DCUN1D4: variants seen among roughly 807,000 people sequenced by gnomAD.
DCUN1D4 encodes the protein defective in cullin neddylation 1 domain containing 4.
Under a neutral mutation model 47.9 loss-of-function variants are expected in DCUN1D4, and 22 were observed. That is an observed-to-expected ratio of 0.46 (90% CI 0.33 to 0.66). DCUN1D4 has a LOEUF of 0.66. Ranked by LOEUF, DCUN1D4 falls within the 30% of genes least tolerant of loss-of-function variation. DCUN1D4 has a pLI of 0.02. For missense variants in DCUN1D4, 301 were observed against 340.8 expected (o/e 0.88, Z 0.92); for synonymous variants, 121 against 112.2 (o/e 1.08, Z -0.50).
intron 5 of DCUN1D4, chr4:51,878,075 G>GA (rs1322997738): frequency 1.0e-5 from 3 of 289,176 alleles, no homozygotes; most frequent in Non-Finnish European, 1.9e-5. Context: ...GAAGGGAACT[G>GA]AAAAGATGAA....
In DCUN1D4 at chr4:51,886,775, A is replaced by G. The variant is rs991824904; in HGVS notation, c.414+137A>G. 1.4e-5 allele frequency: 10 copies of G among 700,796 alleles called. No homozygotes were observed. In the African/African-American group the frequency reaches 1.8e-4, roughly 13 times the overall value. 43.4% of individuals were successfully genotyped at this position (700,796 alleles called of 1,614,324 possible). ...TGAAGCAGTCTAAGAAATAAGTTCT[A>G]ATTCTAGTTTGACTTATAAGCAGAT... On this transcript the variant is annotated intron_variant, in intron 6 of 10. Transcript: ENST00000334635.
intron 6 of DCUN1D4, among the ~76,000 whole-genome samples, chr4:51,888,381 C>T (rs1415109446): frequency 6.6e-6 from 1 of 152,106 alleles, no homozygotes; most frequent in Admixed American, 6.6e-5. Flanking sequence ...TTCCTCACCC[C>T]CAAATACCAG....
At chr4:51,867,784 A>G (rs1726198890) in intron 3 of DCUN1D4, among the ~76,000 whole-genome samples, 1 of 152,242 alleles carries the variant, frequency 6.6e-6, no homozygotes, top group Non-Finnish European at 1.5e-5. Flanking sequence ...CCCAGCCTCC[A>G]GGCCTCAGGC....
At chr4:51,885,790 G>A (rs1350381527) in intron 5 of DCUN1D4, among the ~76,000 whole-genome samples, 1 of 152,098 alleles carries the variant, frequency 6.6e-6, no homozygotes, top group Admixed American at 6.6e-5. Context: ...AGCCAGAAGG[G>A]GAGAGGAAGG....
chr4:51,895,286 T>C (rs1196094657), intron 7 of DCUN1D4, among the ~76,000 whole-genome samples: 1 of 152,032 alleles, frequency 6.6e-6, no homozygotes, highest in African/African-American at 2.4e-5. Flanking sequence ...TTTAATCATT[T>C]CTGTCATTTC....
Position 51,907,044 on chromosome 4 carries a change from A to AG in DCUN1D4, c.616-4024dup, listed in dbSNP as rs200339320. Among the ~76,000 whole-genome samples the AG allele has an allele frequency of 9.1e-3, 1,393 of 152,362 alleles. 11 individuals are homozygous for AG. Among genetic ancestry groups the AG allele is most frequent in the Non-Finnish European group, 0.014 (954 of 68,030 alleles). ...AGTTTCTAGCTTGAAGTAAGTTCTC[A>AG]GGAAAAGTTAACCATAGAATTAGAA... On this transcript the variant is annotated intron_variant, in intron 8 of 10. Transcript: ENST00000334635.
At chr4:51,896,504 A>G (rs1189795493) in intron 7 of DCUN1D4, among the ~76,000 whole-genome samples, 1 of 151,976 alleles carries the variant, frequency 6.6e-6, no homozygotes, top group Non-Finnish European at 1.5e-5. Flanking sequence ...AAGAACAGGG[A>G]CCTCGACCTT....
At chr4:51,868,379 C>T (rs865933702) in intron 3 of DCUN1D4, among the ~76,000 whole-genome samples, 8 of 152,350 alleles carry the variant, frequency 5.3e-5, no homozygotes, top group East Asian at 1.9e-4. Flanking sequence ...TTGCTCCAGA[C>T]GGGCTGCTGC....
At chr4:51,840,837 C>T (rs893292477), upstream of DCUN1D4, among the ~76,000 whole-genome samples, 5 of 152,106 alleles carry the variant, frequency 3.3e-5, no homozygotes, top group African/African-American at 7.2e-5. Context: ...GAGGGTCAGC[C>T]GACTAGGAAT....
intron 1 of DCUN1D4, among the ~76,000 whole-genome samples, chr4:51,849,284 T>C (rs1723011461): frequency 2.0e-5 from 3 of 152,240 alleles, no homozygotes; most frequent in Admixed American, 2.0e-4. Flanking sequence ...GCTGCTGTGC[T>C]GCTTCTAGAG....
At chr4:51,905,509 T>G (rs1379816469) in intron 8 of DCUN1D4, among the ~76,000 whole-genome samples, 2 of 152,216 alleles carry the variant, frequency 1.3e-5, no homozygotes, top group Non-Finnish European at 1.5e-5. Flanking sequence ...TTTTATTATA[T>G]AAACAATTGT....
intron 3 of DCUN1D4, among the ~76,000 whole-genome samples, chr4:51,867,325 C>A (rs1304517282): frequency 6.6e-6 from 1 of 152,244 alleles, no homozygotes; most frequent in Non-Finnish European, 1.5e-5. Flanking sequence ...TGCAGCTCTT[C>A]TCTCTTCACC....
intron 8 of DCUN1D4, among the ~76,000 whole-genome samples, chr4:51,907,438 G>A (rs1274175499): frequency 2.6e-5 from 4 of 152,132 alleles, no homozygotes; most frequent in Non-Finnish European, 5.9e-5. Context: ...AGGTTAGCTG[G>A]GTTAAGGAGG....
At chr4:51,849,651 G>GA (rs2109813101) in intron 1 of DCUN1D4, among the ~76,000 whole-genome samples, 1 of 152,226 alleles carries the variant, frequency 6.6e-6, no homozygotes, top group Admixed American at 6.5e-5. Flanking sequence ...GTTTGCTGGT[G>GA]GTCAGGCAGG....
intron 7 of DCUN1D4, 48 bp downstream of exon 7, chr4:51,891,899 T>A (rs1730488060): frequency 6.9e-7 from 1 of 1,449,044 alleles, no homozygotes. Context: ...TCCCAGGTGG[T>A]TGCCTCCTTC....
At chr4:51,846,300 A>T (rs879547776) in intron 1 of DCUN1D4, among the ~76,000 whole-genome samples, 23 of 152,152 alleles carry the variant, frequency 1.5e-4, no homozygotes, top group Admixed American at 1.5e-3. Context: ...GTTATCCAGA[A>T]TTTTTGACTG....
intron 3 of DCUN1D4, among the ~76,000 whole-genome samples, chr4:51,869,379 G>T (rs765683802): frequency 1.3e-5 from 2 of 152,042 alleles, no homozygotes; most frequent in Non-Finnish European, 2.9e-5. Flanking sequence ...GAAAAGTGAG[G>T]TGAAATAGCT....
At chr4:51,887,611 G>A (rs1368708411) in intron 6 of DCUN1D4, among the ~76,000 whole-genome samples, 1 of 152,180 alleles carries the variant, frequency 6.6e-6, no homozygotes, top group African/African-American at 2.4e-5. Flanking sequence ...ATTAGCTCCA[G>A]TTTAATAAAT....
intron 4 of DCUN1D4, chr4:51,877,519 C>G (rs1727888715): frequency 2.3e-5 from 7 of 301,104 alleles, no homozygotes; most frequent in Admixed American, 4.8e-5. Flanking sequence ...TCAGTTCTTA[C>G]TGATTATTTG....
Sources: gnomAD v4.1 joint callset for allele counts (sites outside exome capture counted in the v4.1 genomes callset) on GRCh38, gnomAD v4.1.1 for gene constraint, MANE v1.5 for transcripts, NCBI Gene and HGNC (gene_info 2026-07-23, HGNC 2026-07-21) for gene names.